The following SH3BGR variants were observed in gnomAD, a reference collection of about 807,000 sequenced individuals.
SH3BGR encodes SH3 domain-binding glutamic acid-rich protein.
In SH3BGR, 29 loss-of-function variants were observed where a neutral mutation model predicts 24.5. That is an observed-to-expected ratio of 1.18 (90% confidence interval 0.88 to 1.61). The LOEUF (loss-of-function observed/expected upper bound fraction) is 1.61. SH3BGR is among the 40% of genes most tolerant of loss of function. The pLI is 0.00. For synonymous variants in SH3BGR, 55 were observed against 65.7 expected, an observed-to-expected ratio of 0.84 and a Z score of 0.79; for missense variants, 162 against 205.8, an observed-to-expected ratio of 0.79 and a Z score of 1.30.
intron 3 of SH3BGR, among the ~76,000 whole-genome samples, chr21:39,491,115 G>T (rs1345793925): frequency 1.3e-5 from 2 of 152,142 alleles, no homozygotes; most frequent in East Asian, 3.9e-4. Context: ...TGACATAATT[G>T]TGTTTAGGTT....
chr21:39,487,303 T>G (rs1027651983), intron 3 of SH3BGR, among the ~76,000 whole-genome samples: 1 of 152,056 alleles, frequency 6.6e-6, no homozygotes, highest in Non-Finnish European at 1.5e-5. Flanking sequence ...CCACCATGCC[T>G]GGCTAATTTT....
chr21:39,484,432 T>A (rs974478660), intron 3 of SH3BGR, among the ~76,000 whole-genome samples: 16 of 152,104 alleles, frequency 1.1e-4, no homozygotes, highest in Admixed American at 7.2e-4. Flanking sequence ...CTTGCTATTT[T>A]AAAAAAAATT....
Position 39,490,739 on chromosome 21 carries a change from ATTT to A in SH3BGR, c.313-9069_313-9067del, listed in dbSNP as rs55916184. ...GACAGCATCTGATTGGGTTTTGTGC[ATTT>A]TTTTTTTTTTTTTTGAGACAGTCTC... On this transcript the variant is annotated intron_variant, in intron 3 of 6. Transcript: ENST00000333634. Among the ~76,000 whole-genome samples the A allele has an allele frequency of 2.4e-3, 337 of 140,212 alleles. 3 individuals are homozygous for A. Among genetic ancestry groups the A allele is most frequent in the South Asian group, 0.012 (52 of 4,470 alleles). 92.0% of individuals were successfully genotyped at this position (140,212 alleles called of 152,430 possible).
intron 3 of SH3BGR, among the ~76,000 whole-genome samples, chr21:39,479,206 T>TGGTGGTGGAGGTGGTAAG (rs1253161115): frequency 3.4e-5 from 5 of 146,632 alleles, no homozygotes; most frequent in African/African-American, 1.3e-4. Context: ...TATGTGGTGG[T>TGGTGGTGGAGGTGGTAAG]GGTGGTGGAG....
At chr21:39,459,756 C>A (rs1180203636) in intron 1 of SH3BGR, among the ~76,000 whole-genome samples, 2 of 151,600 alleles carry the variant, frequency 1.3e-5, no homozygotes, top group Non-Finnish European at 2.9e-5. Flanking sequence ...CCCATCTCGA[C>A]AAAAATTTGT....
At chr21:39,464,591 A>C (rs2077810354) in intron 2 of SH3BGR, among the ~76,000 whole-genome samples, 1 of 152,236 alleles carries the variant, frequency 6.6e-6, no homozygotes, top group Non-Finnish European at 1.5e-5. Context: ...AGTCCAGCAG[A>C]GGGCTATACA....
chr21:39,499,346 C>T (rs1280189340), intron 3 of SH3BGR, among the ~76,000 whole-genome samples: 2 of 151,930 alleles, frequency 1.3e-5, no homozygotes, highest in Non-Finnish European at 2.9e-5. Context: ...CTGTCTGTCT[C>T]TGAACATTAT....
intron 2 of SH3BGR, among the ~76,000 whole-genome samples, chr21:39,467,822 C>T (rs375013570): frequency 7.2e-4 from 109 of 152,278 alleles, no homozygotes; most frequent in African/African-American, 2.6e-3. Flanking sequence ...TCCTCAGTGC[C>T]TTCCTGCCCC....
upstream of SH3BGR, chr21:39,446,986 G>C (rs1188783171): frequency 6.6e-6 from 1 of 152,024 alleles, no homozygotes; most frequent in Admixed American, 6.6e-5. Context: ...GTTAGGACAA[G>C]CTTTCTCTCC....
At chr21:39,502,697 G>A (rs935291830) in intron 4 of SH3BGR, among the ~76,000 whole-genome samples, 3 of 152,220 alleles carry the variant, frequency 2.0e-5, no homozygotes, top group Non-Finnish European at 4.4e-5. Context: ...GGTCGTTAGT[G>A]GTGACTGGGC....
chr21:39,480,081 A>T (rs1178646906), intron 3 of SH3BGR, among the ~76,000 whole-genome samples: 1 of 152,218 alleles, frequency 6.6e-6, no homozygotes, highest in Non-Finnish European at 1.5e-5. Context: ...CTGTTATTCC[A>T]TTAATTTCTT....
intron 3 of SH3BGR, among the ~76,000 whole-genome samples, chr21:39,493,836 G>A (rs1217729205): frequency 1.3e-5 from 2 of 152,110 alleles, no homozygotes; most frequent in Admixed American, 6.5e-5. Flanking sequence ...CACCTCCTTG[G>A]TTAGGTATAT....
At chr21:39,491,592 T>G (rs983254462) in intron 3 of SH3BGR, 1 of 247,088 alleles carries the variant, frequency 4.0e-6, no homozygotes, top group Admixed American at 4.0e-5. Context: ...CAGGTCTAAG[T>G]AGGGGTGGAG....
intron 5 of SH3BGR, among the ~76,000 whole-genome samples, chr21:39,509,708 C>T (rs2078643945): frequency 6.6e-6 from 1 of 152,074 alleles, no homozygotes; most frequent in Middle Eastern, 3.4e-3. Context: ...CTCCTGACCC[C>T]AAGTGATCCA....
intron 1 of SH3BGR, among the ~76,000 whole-genome samples, chr21:39,456,324 T>G (rs765219027): frequency 6.6e-6 from 1 of 152,136 alleles, no homozygotes; most frequent in Non-Finnish European, 1.5e-5. Flanking sequence ...CTGCCTAAAA[T>G]GAAGGCATCT....
intron 3 of SH3BGR, chr21:39,488,574 G>A (rs895490880): frequency 3.4e-5 from 10 of 291,126 alleles, no homozygotes; most frequent in African/African-American, 6.7e-5. Context: ...CAAGGACTAG[G>A]GTGCCTAGTT....
intron 2 of SH3BGR, among the ~76,000 whole-genome samples, chr21:39,468,603 T>C (rs918010928): frequency 6.6e-6 from 1 of 152,186 alleles, no homozygotes; most frequent in Non-Finnish European, 1.5e-5. Flanking sequence ...CACACCTAGC[T>C]AAATTTTGTA....
At chr21:39,486,782 T>C (rs1163235271) in intron 3 of SH3BGR, among the ~76,000 whole-genome samples, 8 of 152,180 alleles carry the variant, frequency 5.3e-5, no homozygotes, top group Admixed American at 5.2e-4. Context: ...AGTAGCACAA[T>C]CTTGGCTCAC....
At chr21:39,489,107 G>A (rs1399209195) in intron 3 of SH3BGR, among the ~76,000 whole-genome samples, 2 of 152,176 alleles carry the variant, frequency 1.3e-5, no homozygotes, top group Non-Finnish European at 2.9e-5. Context: ...GTGAGTGAAA[G>A]GTACAAGTTT....
Sources: gnomAD v4.1 joint callset for allele counts (sites outside exome capture counted in the v4.1 genomes callset) on GRCh38, gnomAD v4.1.1 for gene constraint, MANE v1.5 for transcripts, NCBI Gene and HGNC (gene_info 2026-07-23, HGNC 2026-07-21) for gene names.